Variants in CCDC33 observed in about 807,000 individuals in gnomAD.
CCDC33 encodes coiled-coil domain containing 33.
CCDC33 carries 94 observed loss-of-function variants against 91.9 expected under a neutral mutation model. That is an observed-to-expected ratio of 1.02 (90% CI 0.87 to 1.21). CCDC33 has a LOEUF of 1.21. Ranked by LOEUF, CCDC33 falls within the 50% of genes most tolerant of loss-of-function variation. CCDC33 has a pLI of 0.00. For missense variants in CCDC33, 940 were observed against 935.5 expected (o/e 1.00, Z -0.06); for synonymous variants, 396 against 374.5 (o/e 1.06, Z -0.66).
intron 11 of CCDC33, among the ~76,000 whole-genome samples, chr15:74,298,687 T>C (rs1351222866): frequency 6.7e-6 from 1 of 149,174 alleles, no homozygotes; most frequent in African/African-American, 2.5e-5. Flanking sequence ...TTACAGGCAT[T>C]CGACACCCTG....
At chr15:74,258,331 C>T (rs751058568) in intron 2 of CCDC33, among the ~76,000 whole-genome samples, 1 of 152,232 alleles carries the variant, frequency 6.6e-6, no homozygotes, top group Admixed American at 6.5e-5. Flanking sequence ...CCTCCCCTTT[C>T]CTTTGCTCTC....
intron 11 of CCDC33, among the ~76,000 whole-genome samples, chr15:74,329,972 G>C (rs2060392350): frequency 6.6e-6 from 1 of 152,196 alleles, no homozygotes; most frequent in Non-Finnish European, 1.5e-5. Flanking sequence ...GCCCCGGGGA[G>C]AGAACATTAG....
At chr15:74,260,616 G>C (rs951043916) in intron 2 of CCDC33, among the ~76,000 whole-genome samples, 2 of 152,210 alleles carry the variant, frequency 1.3e-5, no homozygotes, top group African/African-American at 4.8e-5. Flanking sequence ...GAGGAACTTA[G>C]TAGGTGCAGA....
At chr15:74,249,599 A>G (rs1262528341) in intron 2 of CCDC33, among the ~76,000 whole-genome samples, 1 of 152,172 alleles carries the variant, frequency 6.6e-6, no homozygotes, top group Non-Finnish European at 1.5e-5. Context: ...ACAAACAAAC[A>G]AACAAACTTA....
chr15:74,264,684 G>T (rs1043139721), intron 3 of CCDC33, among the ~76,000 whole-genome samples: 6 of 152,162 alleles, frequency 3.9e-5, no homozygotes, highest in African/African-American at 1.4e-4. Flanking sequence ...CCTACATCAG[G>T]GTTTGTGTTT....
intron 17 of CCDC33, among the ~76,000 whole-genome samples, chr15:74,334,461 G>A (rs1257966931): frequency 6.6e-6 from 1 of 151,440 alleles, no homozygotes; most frequent in Admixed American, 6.6e-5. Context: ...CAGGGTCAGG[G>A]TTCAGTGTGC....
intron 2 of CCDC33, among the ~76,000 whole-genome samples, chr15:74,261,159 C>T (rs1234903304): frequency 6.6e-6 from 1 of 152,174 alleles, no homozygotes; most frequent in Non-Finnish European, 1.5e-5. Flanking sequence ...AGCAGGAGTC[C>T]TCAGTTGACC....
chr15:74,250,274 A>T (rs530169178), intron 2 of CCDC33, among the ~76,000 whole-genome samples: 1 of 152,244 alleles, frequency 6.6e-6, no homozygotes, highest in South Asian at 2.1e-4. Flanking sequence ...TACCAAAGGA[A>T]CTCAGTGGCT....
intron 11 of CCDC33, among the ~76,000 whole-genome samples, chr15:74,297,215 C>A (rs191286961): frequency 2.0e-5 from 3 of 152,234 alleles, no homozygotes; most frequent in Admixed American, 2.0e-4. Context: ...AATTTTCTCC[C>A]GTCACCTCTG....
At chr15:74,336,218 C>G (rs1396130988), downstream of CCDC33, 22 of 1,432,090 alleles carry the variant, frequency 1.5e-5, no homozygotes, top group Non-Finnish European at 1.7e-5. Context: ...GGGCCTGGGC[C>G]TGGGTCTTCT....
rs78005136 is a variant in CCDC33 at position 74,325,408 on chromosome 15, C to A, written c.1291-4781C>A. On this transcript the variant is annotated intron_variant, in intron 11 of 18. Transcript: ENST00000398814. Reference sequence around the variant, plus strand: ...CCTACCCCGGGTAACACCTGCTCACCCTCCTAGAGTGAGCTCAGGCTATCA... The same window carrying A: ...CCTACCCCGGGTAACACCTGCTCACACTCCTAGAGTGAGCTCAGGCTATCA... 4.8e-3 allele frequency among the ~76,000 whole-genome samples: 736 copies of A among 152,204 alleles called. 2 individuals are homozygous for A. Among genetic ancestry groups the A allele is most frequent in the Non-Finnish European group, 7.5e-3 (510 of 67,978 alleles).
chr15:74,249,842 T>A (rs1450328845), intron 2 of CCDC33, among the ~76,000 whole-genome samples: 1 of 152,166 alleles, frequency 6.6e-6, no homozygotes, highest in Non-Finnish European at 1.5e-5. Context: ...AATTTGTTTA[T>A]TACACAGAGG....
At chr15:74,280,992 T>C (rs1180723016) in intron 9 of CCDC33, among the ~76,000 whole-genome samples, 191 bp downstream of exon 9, 1 of 152,200 alleles carries the variant, frequency 6.6e-6, no homozygotes, top group Non-Finnish European at 1.5e-5. Context: ...CAGTCTTGCC[T>C]CTGGGACTAT....
intron 11 of CCDC33, among the ~76,000 whole-genome samples, chr15:74,322,147 T>C (rs752095739): frequency 3.3e-5 from 5 of 152,228 alleles, no homozygotes; most frequent in African/African-American, 4.8e-5. Flanking sequence ...CCAGAGAGGA[T>C]GTTCCAGTTA....
chr15:74,256,388 G>A (rs1005581733), intron 2 of CCDC33, among the ~76,000 whole-genome samples: 8 of 151,064 alleles, frequency 5.3e-5, no homozygotes, highest in African/African-American at 1.2e-4. Context: ...TCTGGCCCAC[G>A]TTCCTCCTGC....
At chr15:74,335,441 C>T in intron 18 of CCDC33, 2 of 529,976 alleles carry the variant, frequency 3.8e-6, no homozygotes, top group South Asian at 2.5e-5. Context: ...AGCTTGTGGC[C>T]CTACCCCCCT....
intron 10 of CCDC33, among the ~76,000 whole-genome samples, chr15:74,290,623 G>A (rs905164205): frequency 6.6e-6 from 1 of 152,254 alleles, no homozygotes; most frequent in Admixed American, 6.5e-5. Context: ...GCAAAGCAAG[G>A]GTGCTTCAGG....
At chr15:74,235,594 T>C (rs533431806), upstream of CCDC33, among the ~76,000 whole-genome samples, 1 of 152,212 alleles carries the variant, frequency 6.6e-6, no homozygotes, top group African/African-American at 2.4e-5. Context: ...CACCTCTCTA[T>C]AGAGCAACCC....
chr15:74,312,992 GC>G (rs1436117954), intron 11 of CCDC33, among the ~76,000 whole-genome samples: 4 of 152,344 alleles, frequency 2.6e-5, no homozygotes, highest in Non-Finnish European at 5.9e-5. Flanking sequence ...GCCTCTGGGT[GC>G]TGGGAGGTAG....
Sources: allele counts gnomAD v4.1 joint callset (sites outside exome capture counted in the v4.1 genomes callset), GRCh38; gene constraint gnomAD v4.1.1; transcripts MANE v1.5; gene names NCBI Gene and HGNC (gene_info 2026-07-23, HGNC 2026-07-21).